MPDZ: variants seen among roughly 807,000 people sequenced by gnomAD.
MPDZ encodes multiple PDZ domain crumbs cell polarity complex component, also known as multiple PDZ domain protein.
Under a neutral mutation model 239.1 loss-of-function variants are expected in MPDZ, and 234 were observed. The ratio of observed to expected loss-of-function variants is 0.98; its 90% CI spans 0.88 to 1.09. The LOEUF (loss-of-function observed/expected upper bound fraction) is 1.09, where lower values mean the gene tolerates loss of function less well. Ranked by LOEUF, MPDZ falls within the 50% of genes least tolerant of loss-of-function variation. The probability of loss-of-function intolerance (pLI) is 0.00; values close to 1 mark genes in which losing one functional copy is unlikely to be tolerated. For synonymous variants in MPDZ, 1,048 were observed against 881.3 expected, an observed-to-expected ratio of 1.19 and a Z score of -3.35; for missense variants, 3,175 against 2,510.0, an observed-to-expected ratio of 1.26 and a Z score of -5.66.
At chr9:13,201,080 G>A (rs974622334) in intron 12 of MPDZ, among the ~76,000 whole-genome samples, 11 of 151,944 alleles carry the variant, frequency 7.2e-5, no homozygotes, top group Admixed American at 2.0e-4. Context: ...ATATATTTGG[G>A]TGCTCTGATG....
In MPDZ at chr9:13,119,540, GA is replaced by G; in HGVS notation, c.5340del (p.Arg1781ValfsTer12). On this transcript the variant is annotated frameshift_variant, in exon 39 of 47. Coordinates refer to ENST00000319217, the MANE Select transcript of MPDZ (RefSeq NM_001378778.1). LOFTEE classifies it high-confidence loss of function. Reference sequence around the variant, plus strand: ...GCAACCGCTTCTTGGGTGGCATTACGAACGTCTTCCCCATTCACCATTAATA... The same window carrying G: ...GCAACCGCTTCTTGGGTGGCATTACGACGTCTTCCCCATTCACCATTAATA... Reference protein sequence around the residue: ...DQILMVNGEDVRNATQEAVAA... With the variant: ...DQILMVNGEDXRNATQEAVAA... The G allele has an allele frequency of 6.2e-7, 1 of 1,613,022 alleles. No homozygotes were observed. The highest frequency in any genetic ancestry group is 8.5e-7 in the Non-Finnish European group (1 of 1,179,534).
At chr9:13,212,549 G>T (rs1267150322) in intron 10 of MPDZ, among the ~76,000 whole-genome samples, 1 of 151,710 alleles carries the variant, frequency 6.6e-6, no homozygotes, top group African/African-American at 2.4e-5. Context: ...AGGGGTCCTG[G>T]TTAGCTCTGG....
chr9:13,208,929 A>G (rs1957305321), intron 10 of MPDZ, among the ~76,000 whole-genome samples: 1 of 152,092 alleles, frequency 6.6e-6, no homozygotes, highest in African/African-American at 2.4e-5. Context: ...AAAAACTAAC[A>G]AAATAGAACA....
In MPDZ at chr9:13,133,702, A is replaced by C. The variant is rs993454507; in HGVS notation, c.4464+122T>G. The stretch of plus-strand genomic sequence containing the variant: ...AGTGGGCCCAAGTATTTGCAGTTCT[A>C]ACAAAACCTCAGATGATGCTGATGC... On this transcript the variant is annotated intron_variant, in intron 32 of 46. Coordinates refer to ENST00000319217, the MANE Select transcript of MPDZ (RefSeq NM_001378778.1). 8 of 623,848 alleles carry C rather than the reference A, an allele frequency of 1.3e-5. No homozygotes were observed. In the African/African-American group the frequency reaches 1.5e-4, roughly 12 times the overall value. 38.6% of individuals were successfully genotyped at this position (623,848 alleles called of 1,614,324 possible). A position where few individuals can be genotyped will look rare whatever the true frequency, so the allele number is the denominator to read the frequency against.
intron 24 of MPDZ, among the ~76,000 whole-genome samples, chr9:13,153,474 CA>C (rs773021769): frequency 3.9e-5 from 6 of 152,108 alleles, no homozygotes; most frequent in Non-Finnish European, 5.9e-5. Flanking sequence ...GACAGGGTCT[CA>C]TTCTGCAGCC....
chr9:13,159,045 G>C (rs922507497), intron 23 of MPDZ, among the ~76,000 whole-genome samples: 3 of 152,168 alleles, frequency 2.0e-5, no homozygotes, highest in South Asian at 2.1e-4. Flanking sequence ...AGAAACTGAA[G>C]AATCAAAAGA....
intron 8 of MPDZ, among the ~76,000 whole-genome samples, chr9:13,218,955 T>C (rs568777832): frequency 2.6e-5 from 4 of 152,132 alleles, no homozygotes; most frequent in South Asian, 2.1e-4. Flanking sequence ...AATAAAGTTT[T>C]TGTTATAACA....
chr9:13,278,613 T>C (rs1468254102), intron 1 of MPDZ, among the ~76,000 whole-genome samples: 2 of 152,166 alleles, frequency 1.3e-5, no homozygotes, highest in East Asian at 3.9e-4. Context: ...TCCGGCATCC[T>C]GGGGCTGCCA....
intron 3 of MPDZ, among the ~76,000 whole-genome samples, chr9:13,230,295 C>T (rs1961990344): frequency 6.6e-6 from 1 of 152,064 alleles, no homozygotes; most frequent in Non-Finnish European, 1.5e-5. Flanking sequence ...AGCAATTGCA[C>T]TCCTGGATAT....
At chr9:13,252,555 A>C (rs1588130257) in intron 1 of MPDZ, among the ~76,000 whole-genome samples, 2 of 118,414 alleles carry the variant, frequency 1.7e-5, no homozygotes, top group African/African-American at 3.3e-5. Context: ...ACAGAGTGAG[A>C]CTCTGTCCCC....
chr9:13,203,855 C>T (rs1181008716), intron 12 of MPDZ, among the ~76,000 whole-genome samples: 1 of 151,794 alleles, frequency 6.6e-6, no homozygotes, highest in Non-Finnish European at 1.5e-5. Context: ...GCCTTGGAGA[C>T]GACTCCCACA....
chr9:13,236,098 T>G (rs1963864436), intron 3 of MPDZ, among the ~76,000 whole-genome samples: 1 of 150,476 alleles, frequency 6.6e-6, no homozygotes, highest in African/African-American at 2.4e-5. Flanking sequence ...AAGATCTTAT[T>G]CATTCTTAAA....
rs1246280152 is a variant in MPDZ at position 13,149,208 on chromosome 9, T to C, written c.3630+1303A>G. Among the ~76,000 whole-genome samples the C allele has an allele frequency of 3.3e-5, 5 of 151,968 alleles. 1 individual carries two copies. The South Asian group carries it at 6.2e-4, about 19-fold the overall frequency. On this transcript the variant is annotated intron_variant, in intron 25 of 46. Transcript: ENST00000319217. ...AACGGTCATCAAAAAAAAAAGGACA[T>C]GGTCCCTGTTTTCGCTCAGGTCCCA...
intron 39 of MPDZ, among the ~76,000 whole-genome samples, chr9:13,116,665 G>A (rs1231326604): frequency 3.3e-5 from 5 of 151,972 alleles, no homozygotes; most frequent in Middle Eastern, 3.2e-3. Flanking sequence ...GTAATGTTGC[G>A]ACCCTTTCAC....
At chr9:13,260,533 C>T (rs1011538841) in intron 1 of MPDZ, among the ~76,000 whole-genome samples, 4 of 152,160 alleles carry the variant, frequency 2.6e-5, no homozygotes, top group African/African-American at 9.7e-5. Context: ...ATGGAATGAA[C>T]TGTGTTGCCC....
chr9:13,113,204 T>A, intron 41 of MPDZ, 150 bp from the exon 42 acceptor site: 1 of 644,864 alleles, frequency 1.6e-6, no homozygotes. Context: ...CATGATTAGA[T>A]CTGTCTTACA....
At chr9:13,148,664 TG>T (rs1948749918) in intron 25 of MPDZ, among the ~76,000 whole-genome samples, 1 of 152,064 alleles carries the variant, frequency 6.6e-6, no homozygotes, top group South Asian at 2.1e-4. Context: ...ATTCCATTCG[TG>T]GAAAAATTTA....
At chr9:13,192,097 A>G in intron 15 of MPDZ, 34 bp downstream of exon 15, 1 of 1,515,114 alleles carries the variant, frequency 6.6e-7, no homozygotes, top group African/African-American at 1.4e-5. Context: ...TCCATTATAT[A>G]TGTAGGTTAG....
intron 19 of MPDZ, among the ~76,000 whole-genome samples, chr9:13,183,210 C>T (rs1953604974): frequency 6.6e-6 from 1 of 152,044 alleles, no homozygotes; most frequent in African/African-American, 2.4e-5. Context: ...CATTCTCAGA[C>T]ACTAAATTTA....
Sources: gnomAD v4.1 joint callset for allele counts (sites outside exome capture counted in the v4.1 genomes callset) on GRCh38, gnomAD v4.1.1 for gene constraint, MANE v1.5 for transcripts, NCBI Gene and HGNC (gene_info 2026-07-23, HGNC 2026-07-21) for gene names.